The following FAM120B variants were observed in gnomAD, a reference collection of about 807,000 sequenced individuals.
The protein encoded by FAM120B is family with sequence similarity 120 member B, also known as constitutive coactivator of peroxisome proliferator-activated receptor gamma.
A neutral mutation model predicts 96.3 loss-of-function variants in FAM120B; 83 were observed. The ratio of observed to expected loss-of-function variants is 0.86; its 90% CI spans 0.72 to 1.03. The LOEUF (loss-of-function observed/expected upper bound fraction) is 1.03, where lower values mean the gene tolerates loss of function less well. FAM120B is among the 50% of genes least tolerant of loss of function. The probability of loss-of-function intolerance (pLI) is 0.00; values close to 1 mark genes in which losing one functional copy is unlikely to be tolerated. For synonymous variants in FAM120B, 407 were observed against 402.7 expected, an observed-to-expected ratio of 1.01 and a Z score of -0.13; for missense variants, 1,027 against 1,121.2, an observed-to-expected ratio of 0.92 and a Z score of 1.20.
intron 1 of FAM120B, among the ~76,000 whole-genome samples, chr6:170,300,596 A>G (rs1784120116): frequency 6.6e-6 from 1 of 152,236 alleles, no homozygotes; most frequent in South Asian, 2.1e-4. Context: ...AAAGTGTCTG[A>G]AACAAGACAA....
chr6:170,359,686 G>A (rs1039253585), intron 6 of FAM120B, among the ~76,000 whole-genome samples: 6 of 151,978 alleles, frequency 3.9e-5, no homozygotes, highest in African/African-American at 1.2e-4. Context: ...CCATCCTCCC[G>A]CCTGGGCCTC....
At chr6:170,376,500 G>T (rs766428191) in intron 6 of FAM120B, among the ~76,000 whole-genome samples, 21 of 151,704 alleles carry the variant, frequency 1.4e-4, no homozygotes, top group Non-Finnish European at 2.4e-4. Flanking sequence ...GAGGCGGGCA[G>T]CGGGGCGTTA....
At chr6:170,373,333 CAT>C (rs1189495944) in intron 6 of FAM120B, among the ~76,000 whole-genome samples, 1 of 152,202 alleles carries the variant, frequency 6.6e-6, no homozygotes, top group Middle Eastern at 3.2e-3. Context: ...ACCTTTCAAT[CAT>C]ATTGAAGTGG....
chr6:170,303,710 T>C (rs988868960), upstream of FAM120B, among the ~76,000 whole-genome samples: 2 of 152,232 alleles, frequency 1.3e-5, no homozygotes, highest in African/African-American at 2.4e-5. Flanking sequence ...CACCTCCCTT[T>C]TTTCAAAAAT....
chr6:170,338,171 G>A (rs1346017156), intron 4 of FAM120B, among the ~76,000 whole-genome samples: 1 of 152,190 alleles, frequency 6.6e-6, no homozygotes, highest in Non-Finnish European at 1.5e-5. Context: ...GGCATTTAGT[G>A]CTAGAAATTT....
chr6:170,321,894 A>G (rs1785315464), intron 2 of FAM120B, among the ~76,000 whole-genome samples: 1 of 152,216 alleles, frequency 6.6e-6, no homozygotes, highest in African/African-American at 2.4e-5. Flanking sequence ...GACTATTTAA[A>G]TACATATAAA....
At chr6:170,294,297 G>A (rs770272332), upstream of FAM120B, among the ~76,000 whole-genome samples, 3 of 152,168 alleles carry the variant, frequency 2.0e-5, no homozygotes, top group African/African-American at 4.8e-5. The surrounding 1 kb of genome is among the most constrained non-coding windows in gnomAD (Gnocchi z 7.9). Flanking sequence ...ACTGTACAAA[G>A]TGAGGCTCAT....
At position 170,348,226 on chromosome 6, in the gene FAM120B, T is replaced by C; in HGVS notation, c.2093T>C (p.Leu698Pro). The change falls in exon 5 of 11, where the codon CTA becomes CCA. Residue 698 changes from leucine to proline, a missense_variant. By Grantham distance (98) the Leu-to-Pro change is moderately conservative (BLOSUM62 -3). This residue lies in a region of FAM120B where 880 missense variants were observed against 980.9 expected (regional missense o/e 0.90). Coordinates refer to ENST00000476287, the MANE Select transcript of FAM120B (RefSeq NM_032448.3). ...CAGGTTCGGCGCTTGGACACACTCC[T>C]AGCCTGTTTCAATCTTTCCTCCTCA... is the stretch of plus-strand genomic sequence containing the variant. ...EIQVRRLDTL[L>P]ACFNLSSSRE... 1 of 1,614,110 alleles carries C rather than the reference T, an allele frequency of 6.2e-7. No individual in the cohort carries two copies. The highest frequency in any genetic ancestry group is 8.5e-7 in the Non-Finnish European group (1 of 1,179,966).
intron 1 of FAM120B, among the ~76,000 whole-genome samples, chr6:170,314,259 G>A (rs957192918): frequency 6.6e-6 from 1 of 152,198 alleles, no homozygotes; most frequent in East Asian, 1.9e-4. Context: ...GCTGCTTGAG[G>A]GCAGTGATTC....
Position 170,348,230 on chromosome 6 carries a change from C to T in FAM120B, c.2097C>T (p.Ala699=), listed in dbSNP as rs760587010. 1.1e-5 allele frequency: 17 copies of T among 1,613,972 alleles called. No individual in the cohort carries two copies. The highest frequency in any genetic ancestry group is 8.3e-5 in the Admixed American group (5 of 59,996). The change falls in exon 5 of 11, where the codon GCC becomes GCT. Residue 699 remains alanine, a synonymous_variant. Transcript: ENST00000476287. ...TTCGGCGCTTGGACACACTCCTAGCCTGTTTCAATCTTTCCTCCTCAAGAG... is the reference window on the plus strand; with the variant it reads ...TTCGGCGCTTGGACACACTCCTAGCTTGTTTCAATCTTTCCTCCTCAAGAG... The part of the protein sequence containing the change: ...IQVRRLDTLL[A]CFNLSSSREE...
intron 6 of FAM120B, among the ~76,000 whole-genome samples, chr6:170,373,136 T>TA (rs1789294817): frequency 6.6e-6 from 1 of 152,226 alleles, no homozygotes; most frequent in South Asian, 2.1e-4. Context: ...TTAGGAACTT[T>TA]AAGAACTGGT....
At chr6:170,387,186 T>G (rs1200099941) in intron 6 of FAM120B, among the ~76,000 whole-genome samples, 4 of 152,132 alleles carry the variant, frequency 2.6e-5, no homozygotes, top group African/African-American at 9.7e-5. Flanking sequence ...CAGCACTATT[T>G]TAGGGTATAG....
chr6:170,369,013 G>A (rs1362221935), intron 6 of FAM120B, among the ~76,000 whole-genome samples: 3 of 147,668 alleles, frequency 2.0e-5, no homozygotes, highest in African/African-American at 7.6e-5. Context: ...TTAGCCTTCA[G>A]CATAAGAAAT....
At chr6:170,367,247 G>C (rs996088406) in intron 6 of FAM120B, among the ~76,000 whole-genome samples, 7 of 152,330 alleles carry the variant, frequency 4.6e-5, no homozygotes, top group African/African-American at 1.7e-4. Context: ...GCTTCAACCA[G>C]GGGTTACCAG....
intron 4 of FAM120B, among the ~76,000 whole-genome samples, chr6:170,345,859 T>C (rs1475765748): frequency 6.6e-6 from 1 of 152,232 alleles, no homozygotes; most frequent in Admixed American, 6.5e-5. Flanking sequence ...CCTGCATTGC[T>C]TAACCACAGT....
chr6:170,321,576 G>T (rs1369412208), intron 2 of FAM120B, among the ~76,000 whole-genome samples: 1 of 152,026 alleles, frequency 6.6e-6, no homozygotes, highest in African/African-American at 2.4e-5. Context: ...ATGGGGTTTC[G>T]CCATGTTGCC....
chr6:170,358,266 CGCAG>C lies in FAM120B; in HGVS notation c.2234_2237del (p.Gln745ProfsTer13). 6.2e-7 allele frequency: 1 copy of C among 1,606,870 alleles called. No homozygotes were observed. Among genetic ancestry groups the C allele is most frequent in the Non-Finnish European group, 8.5e-7 (1 of 1,175,324 alleles). On this transcript the variant is annotated frameshift_variant, in exon 6 of 11. Coordinates refer to ENST00000476287, the MANE Select transcript of FAM120B (RefSeq NM_032448.3). LOFTEE classifies it high-confidence loss of function. Reference sequence around the variant, plus strand: ...CTGGAGGATTTGCATGCGTTTATTGCGCAGGCCTTGTGCCTCCAAGGAAAATCCA... The same window carrying C: ...CTGGAGGATTTGCATGCGTTTATTGCGCCTTGTGCCTCCAAGGAAAATCCA...
At chr6:170,329,918 C>G (rs1157901186) in intron 3 of FAM120B, among the ~76,000 whole-genome samples, 1 of 152,154 alleles carries the variant, frequency 6.6e-6, no homozygotes, top group Non-Finnish European at 1.5e-5. Context: ...GAGCAGCTGT[C>G]TGACTGATGA....
chr6:170,386,722 A>G (rs1790206212), intron 6 of FAM120B, among the ~76,000 whole-genome samples: 1 of 152,238 alleles, frequency 6.6e-6, no homozygotes, highest in Non-Finnish European at 1.5e-5. Context: ...AGAGCAGAAG[A>G]AGAAGGAAGG....
Sources: gnomAD v4.1 joint callset for allele counts (sites outside exome capture counted in the v4.1 genomes callset) on GRCh38, gnomAD v4.1.1 for gene constraint, gnomAD v4.1.1 regional missense constraint, Gnocchi (gnomAD v3.1) non-coding constraint, MANE v1.5 for transcripts, NCBI Gene and HGNC (gene_info 2026-07-23, HGNC 2026-07-21) for gene names.